Variants in CRACR2A observed in about 807,000 individuals in gnomAD.
The protein encoded by CRACR2A is calcium release activated channel regulator 2A, also known as EF-hand calcium-binding domain-containing protein 4B.
Under a neutral mutation model 90.5 loss-of-function variants are expected in CRACR2A, and 79 were observed. The ratio of observed to expected loss-of-function variants is 0.87; its 90% CI spans 0.73 to 1.05. The LOEUF is 1.05. Among genes scored for constraint, CRACR2A ranks in the 50% least tolerant of loss-of-function variants. CRACR2A has a pLI of 0.00. For synonymous variants in CRACR2A, 338 were observed against 356.7 expected (o/e 0.95, Z 0.59); for missense variants, 823 against 897.2 (o/e 0.92, Z 1.06).
chr12:3,656,339 A>G lies in CRACR2A; in HGVS notation c.830T>C (p.Leu277Pro). Residue 277 changes from leucine (L) to proline (P), a missense_variant, in exon 9 of 20, where the codon CTG becomes CCG. Physicochemically the swap from Leu to Pro is moderately conservative, Grantham distance 98 (BLOSUM62 -3). Coordinates refer to ENST00000440314, the MANE Select transcript of CRACR2A (RefSeq NM_001144958.2). Reference protein sequence around the residue: ...EQKLLCKEQELEQLTQKQKRL... With the variant: ...EQKLLCKEQEPEQLTQKQKRL... ...TTTCTGCTTCTGGGTGAGCTGCTCC[A>G]GCTCCTGCTCCTTACATAACAGTTT... 3 of 1,614,132 alleles carry G rather than the reference A, an allele frequency of 1.9e-6. No homozygotes were observed. Among genetic ancestry groups the G allele is most frequent in the Non-Finnish European group, 2.5e-6 (3 of 1,180,034 alleles).
At chr12:3,655,330 G>C (rs1184550817) in intron 9 of CRACR2A, among the ~76,000 whole-genome samples, 2 of 152,242 alleles carry the variant, frequency 1.3e-5, no homozygotes, top group African/African-American at 4.8e-5. Context: ...ATGGGGAAAT[G>C]GGGAGGCAGC....
intron 15 of CRACR2A, among the ~76,000 whole-genome samples, chr12:3,631,280 A>G (rs1944371588): frequency 6.6e-6 from 1 of 152,044 alleles, no homozygotes; most frequent in African/African-American, 2.4e-5. Context: ...GGGAAGTGCA[A>G]ATGAGTCTGA....
At chr12:3,736,958 C>A (rs1374830513) in intron 1 of CRACR2A, among the ~76,000 whole-genome samples, 1 of 152,202 alleles carries the variant, frequency 6.6e-6, no homozygotes, top group Non-Finnish European at 1.5e-5. Flanking sequence ...CAACAGCTAT[C>A]ATGTGCCAGG....
chr12:3,695,151 AC>A (rs1466052133), intron 4 of CRACR2A, among the ~76,000 whole-genome samples: 6 of 152,288 alleles, frequency 3.9e-5, no homozygotes, highest in African/African-American at 1.4e-4. Flanking sequence ...CCCAGAGTTG[AC>A]CTCCATAAAC....
At chr12:3,698,902 AC>A (rs1945786918) in intron 3 of CRACR2A, among the ~76,000 whole-genome samples, 2 of 152,102 alleles carry the variant, frequency 1.3e-5, no homozygotes, top group African/African-American at 4.8e-5. Flanking sequence ...TCTTCCTGGT[AC>A]CTTGCCGGGA....
chr12:3,620,134 G>A lies in CRACR2A; in HGVS notation c.1933-762C>T, dbSNP rs1274335936. Reference sequence around the variant, plus strand: ...CTTACCAGCCAGGGGCCTGCTTCCCGGGTCTCCACCTCCTCCCTGGTGAAA... The same window carrying A: ...CTTACCAGCCAGGGGCCTGCTTCCCAGGTCTCCACCTCCTCCCTGGTGAAA... On this transcript the variant is annotated intron_variant, in intron 17 of 19. Coordinates refer to ENST00000440314, the MANE Select transcript of CRACR2A (RefSeq NM_001144958.2). Among the ~76,000 whole-genome samples the A allele has an allele frequency of 3.3e-5, 5 of 152,204 alleles. No individual in the cohort carries two copies. In the South Asian group the frequency reaches 8.3e-4, roughly 25 times the overall value.
chr12:3,676,864 T>C (rs1469400817), intron 6 of CRACR2A, among the ~76,000 whole-genome samples: 1 of 152,222 alleles, frequency 6.6e-6, no homozygotes, highest in East Asian at 1.9e-4. Context: ...AGGTTCCTGA[T>C]GGAGCCAACT....
intron 17 of CRACR2A, among the ~76,000 whole-genome samples, chr12:3,626,791 C>T (rs1326469528): frequency 6.6e-6 from 1 of 151,952 alleles, no homozygotes; most frequent in Admixed American, 6.6e-5. Flanking sequence ...TACAAAACGA[C>T]ATACTGCAAG....
At chr12:3,631,959 C>T (rs999024101) in intron 15 of CRACR2A, among the ~76,000 whole-genome samples, 13 of 152,250 alleles carry the variant, frequency 8.5e-5, no homozygotes, top group East Asian at 3.9e-4. Context: ...AGGGTGCTGA[C>T]GTAGTTTGGA....
In CRACR2A at chr12:3,641,737, A is replaced by C; in HGVS notation, c.1266T>G (p.Leu422=). 1 of 1,551,564 alleles carries C rather than the reference A, an allele frequency of 6.4e-7. No individual in the cohort carries two copies. Among genetic ancestry groups the C allele is most frequent in the Middle Eastern group, 1.7e-4 (1 of 5,992 alleles). ...IGKYVDSRGI[L]RSQSEEEEEV... Reference sequence around the variant, plus strand: ...AGCAAGTGGAGATGACTTACCTCCTAAGAATCCCTCTGCTGTCCACATATT... The same window carrying C: ...AGCAAGTGGAGATGACTTACCTCCTCAGAATCCCTCTGCTGTCCACATATT... Residue 422 remains leucine, a synonymous_variant, in exon 13 of 20, where the codon CTT becomes CTG. Coordinates refer to ENST00000440314, the MANE Select transcript of CRACR2A (RefSeq NM_001144958.2).
At chr12:3,644,805 G>T (rs1944656041) in intron 11 of CRACR2A, among the ~76,000 whole-genome samples, 165 bp from the exon 12 acceptor site, 1 of 152,196 alleles carries the variant, frequency 6.6e-6, no homozygotes, top group Non-Finnish European at 1.5e-5. Context: ...GTAGAGGATA[G>T]TTTTTGTGTA....
chr12:3,633,186 T>C lies in CRACR2A; in HGVS notation c.1735+418A>G, dbSNP rs1944404036. Among the ~76,000 whole-genome samples the C allele has an allele frequency of 6.7e-6, 1 of 149,644 alleles. No homozygotes were observed. The highest frequency in any genetic ancestry group is 2.2e-4 in the South Asian group (1 of 4,624). On this transcript the variant is annotated intron_variant, in intron 15 of 19. Transcript: ENST00000440314. This position sits in a 1 kb window ranked among gnomAD's most constrained non-coding sequence, Gnocchi z 4.5. ...AGGCCCTCAGGAAGACAGGGGGAGG[T>C]GTGGCAGGATGTGGGTCTCGGGAGG...
intron 10 of CRACR2A, among the ~76,000 whole-genome samples, chr12:3,650,656 T>A (rs967640754): frequency 6.6e-6 from 1 of 152,120 alleles, no homozygotes; most frequent in Non-Finnish European, 1.5e-5. Context: ...GTGTCCTGCC[T>A]CTCTCCAGGG....
chr12:3,670,257 T>C (rs536741976), intron 7 of CRACR2A, among the ~76,000 whole-genome samples: 76 of 152,154 alleles, frequency 5.0e-4, no homozygotes, highest in Non-Finnish European at 1.1e-3. Flanking sequence ...GGGATAGGCA[T>C]TCATTGAAAT....
intron 1 of CRACR2A, among the ~76,000 whole-genome samples, chr12:3,745,835 A>AAATAAAAAG (rs1946616765): frequency 1.7e-5 from 1 of 57,498 alleles, no homozygotes; most frequent in Non-Finnish European, 3.8e-5. Context: ...TAAAGAAAGA[A>AAATAAAAAG]AAGAGAAGAG....
intron 4 of CRACR2A, 66 bp downstream of exon 4, chr12:3,696,706 C>A: frequency 6.2e-7 from 1 of 1,606,242 alleles, no homozygotes. Context: ...ACGGGGCAAG[C>A]TCTAACCCAA....
At chr12:3,658,740 C>T (rs1355798806) in intron 8 of CRACR2A, among the ~76,000 whole-genome samples, 1 of 152,088 alleles carries the variant, frequency 6.6e-6, no homozygotes, top group African/African-American at 2.4e-5. Context: ...AGGGAGGCTG[C>T]CATCTAAGAT....
At chr12:3,745,878 C>T (rs1946618187) in intron 1 of CRACR2A, among the ~76,000 whole-genome samples, 1 of 146,210 alleles carries the variant, frequency 6.8e-6, no homozygotes, top group African/African-American at 2.5e-5. Flanking sequence ...TTTGACAAAC[C>T]ATCTCCTTCC....
chr12:3,712,001 C>G lies in CRACR2A; in HGVS notation c.-37+1236G>C, dbSNP rs762093512. Among the ~76,000 whole-genome samples the G allele has an allele frequency of 7.6e-4, 116 of 152,192 alleles. 2 individuals carry two copies. Among genetic ancestry groups the G allele is most frequent in the Non-Finnish European group, 1.5e-4 (10 of 68,032 alleles). ...GAGGAAAACAAAGACAACAATGAAT[C>G]TAGCCTGCAGAGATAACCCCACTTG... On this transcript the variant is annotated intron_variant, in intron 3 of 19. Coordinates refer to ENST00000440314, the MANE Select transcript of CRACR2A (RefSeq NM_001144958.2).
Sources: allele counts gnomAD v4.1 joint callset (sites outside exome capture counted in the v4.1 genomes callset), GRCh38; gene constraint gnomAD v4.1.1; non-coding constraint Gnocchi (gnomAD v3.1); transcripts MANE v1.5; gene names NCBI Gene and HGNC (gene_info 2026-07-23, HGNC 2026-07-21).